Variants in CNOT1 observed in about 807,000 individuals in gnomAD.
CNOT1 encodes CCR4-associated factor 1.
Under a neutral mutation model 273.8 loss-of-function variants are expected in CNOT1, and 15 were observed. The observed-to-expected ratio is 0.05, with a 90% confidence interval of 0.04 to 0.08. The LOEUF (loss-of-function observed/expected upper bound fraction) is 0.08, where lower values mean the gene tolerates loss of function less well. CNOT1 is among the 10% of genes least tolerant of loss of function. The probability of loss-of-function intolerance (pLI) is 1.00; values close to 1 mark genes in which losing one functional copy is unlikely to be tolerated. For missense variants in CNOT1, 1,644 were observed against 2,912.2 expected, an observed-to-expected ratio of 0.56 and a Z score of 10.02; for synonymous variants, 1,022 against 1,005.5, an observed-to-expected ratio of 1.02 and a Z score of -0.31.
At chr16:58,611,595 A>C (rs1399154661) in intron 1 of CNOT1, among the ~76,000 whole-genome samples, 2 of 151,990 alleles carry the variant, frequency 1.3e-5, no homozygotes, top group Admixed American at 1.3e-4. Flanking sequence ...CCAAGGAAGG[A>C]GGATCACCTA....
At chr16:58,539,376 C>A (rs979996833) in intron 35 of CNOT1, among the ~76,000 whole-genome samples, 3 of 151,790 alleles carry the variant, frequency 2.0e-5, no homozygotes, top group Admixed American at 6.6e-5. Flanking sequence ...ACCTGTAATA[C>A]CAGCTACTCG....
chr16:58,573,900 C>T (rs77640671), intron 16 of CNOT1, among the ~76,000 whole-genome samples: 2,889 of 151,974 alleles, frequency 0.019, 28 homozygotes, highest in Non-Finnish European at 0.031. Flanking sequence ...TTACTGAAAA[C>T]CTATTGTGAT....
intron 16 of CNOT1, among the ~76,000 whole-genome samples, chr16:58,565,157 G>A (rs1288114285): frequency 6.6e-6 from 1 of 152,002 alleles, no homozygotes; most frequent in Non-Finnish European, 1.5e-5. Flanking sequence ...TCTCACTGTC[G>A]CCCAGGCAGG....
At position 58,615,075 on chromosome 16, in the gene CNOT1, C is replaced by A. The variant is rs116266759; in HGVS notation, c.-175+14653G>T. 9.5e-3 allele frequency among the ~76,000 whole-genome samples: 1,175 copies of A among 123,578 alleles called. 203 individuals carry two copies. Among genetic ancestry groups the A allele is most frequent in the African/African-American group, 0.03 (1,108 of 36,618 alleles). 81.1% of individuals were successfully genotyped at this position (123,578 alleles called of 152,430 possible). ...GCTTTTCTCCTAGTGAATTACTGAA[C>A]CTGCAGGTGGACTTGGGAACTGTCC... On this transcript the variant is annotated intron_variant, in intron 1 of 48. Transcript: ENST00000317147.
intron 16 of CNOT1, among the ~76,000 whole-genome samples, chr16:58,562,364 T>C (rs967343721): frequency 3.3e-5 from 5 of 151,222 alleles, no homozygotes; most frequent in Non-Finnish European, 7.4e-5. Flanking sequence ...ATTAGCCAGG[T>C]GTGGTGGCAC....
chr16:58,521,350 T>C (rs2039359733), intron 47 of CNOT1, 33 bp from the exon 48 acceptor site: 1 of 1,569,442 alleles, frequency 6.4e-7, no homozygotes, highest in Non-Finnish European at 8.6e-7. Context: ...AGTTAATGTA[T>C]AGAAGCATAC....
chr16:58,586,983 G>C (rs1278802033), intron 6 of CNOT1, among the ~76,000 whole-genome samples: 2 of 152,138 alleles, frequency 1.3e-5, no homozygotes, highest in East Asian at 1.9e-4. Context: ...TAAAGTTCCA[G>C]AGAGATGTTA....
At chr16:58,532,420 T>C (rs1263539223) in intron 40 of CNOT1, 25 bp from the exon 41 acceptor site, 1 of 1,604,620 alleles carries the variant, frequency 6.2e-7, no homozygotes, top group South Asian at 1.1e-5. Context: ...AATCAGAGCT[T>C]GTAAATCATT....
chr16:58,610,996 C>T (rs2042879753), intron 1 of CNOT1, among the ~76,000 whole-genome samples: 1 of 151,924 alleles, frequency 6.6e-6, no homozygotes, highest in African/African-American at 2.4e-5. Context: ...GAGAGCACAC[C>T]ACTGCGCTCC....
intron 1 of CNOT1, among the ~76,000 whole-genome samples, chr16:58,613,492 T>TAG (rs2042970344): frequency 8.0e-6 from 1 of 125,058 alleles, no homozygotes; most frequent in Admixed American, 7.9e-5. Context: ...ACTGAATACT[T>TAG]AGGAGTCACC....
chr16:58,596,715 G>A (rs550350610), intron 2 of CNOT1, among the ~76,000 whole-genome samples: 21 of 151,668 alleles, frequency 1.4e-4, no homozygotes, highest in South Asian at 2.1e-4. Context: ...ATGAAACCCC[G>A]TCTCTACTAA....
rs980413203 is a variant in CNOT1, at chr16:58,520,665, T to C, written c.*293A>G. The C allele has an allele frequency of 1.2e-5, 5 of 418,702 alleles. No individual in the cohort carries two copies. The highest frequency in any genetic ancestry group is 1.0e-4 in the African/African-American group (5 of 50,184). 25.9% of individuals were successfully genotyped at this position (418,702 alleles called of 1,614,324 possible). A position where few individuals can be genotyped will look rare whatever the true frequency, so the allele number is the denominator to read the frequency against. On this transcript the variant is annotated 3_prime_UTR_variant, in exon 49 of 49. Transcript: ENST00000317147. ...TTATGTACTTGCCTTGGACACAGCT[T>C]GCACAAAGCCAAGAAGTTCCAGACA... is the stretch of plus-strand genomic sequence containing the variant.
Position 58,546,414 on chromosome 16 carries a change from C to A in CNOT1, c.3913G>T (p.Asp1305Tyr). ...TCTAAATTCTTCAGGCGATCTTTAT[C>A]CTTTAGGAGGTTTCCAGGTTTTAGC... ...NELKPGNLLK[D>Y]KDRLKNLDEQ... Residue 1305 changes from aspartate to tyrosine, a missense_variant, in exon 29 of 49, where the codon GAT (aspartate) becomes TAT (tyrosine). Physicochemically the swap from Asp to Tyr is radical, Grantham distance 160 (BLOSUM62 -3). This residue lies in a region of CNOT1 where 124 missense variants were observed against 289.3 expected (regional missense o/e 0.43). Coordinates refer to ENST00000317147, the MANE Select transcript of CNOT1 (RefSeq NM_016284.5). The A allele has an allele frequency of 6.2e-7, 1 of 1,613,892 alleles. No individual in the cohort carries two copies. Among genetic ancestry groups the A allele is most frequent in the South Asian group, 1.1e-5 (1 of 91,060 alleles).
At chr16:58,612,292 T>TA (rs1041445769) in intron 1 of CNOT1, among the ~76,000 whole-genome samples, 5 of 152,078 alleles carry the variant, frequency 3.3e-5, no homozygotes, top group African/African-American at 1.2e-4. Context: ...CTTCCAATAC[T>TA]AAAAAAATAC....
chr16:58,595,420 CAAAAAA>C (rs57122392), intron 2 of CNOT1, among the ~76,000 whole-genome samples: 1 of 102,938 alleles, frequency 9.7e-6, no homozygotes, highest in Non-Finnish European at 1.9e-5. Context: ...TTTTCCATCT[CAAAAAA>C]AAAAAAAAAA....
Position 58,536,360 on chromosome 16 carries a change from A to G in CNOT1, c.5646+629T>C, listed in dbSNP as rs145125840. 3.6e-3 allele frequency among the ~76,000 whole-genome samples: 542 copies of G among 152,338 alleles called. 4 individuals are homozygous for G. Among genetic ancestry groups the G allele is most frequent in the Non-Finnish European group, 6.1e-3 (416 of 68,030 alleles). Reference sequence around the variant, plus strand: ...ACAGTCGCTGAAAGCAACCAGTGATAATAAAAAACGAATGCTAAATGGTAC... The same window carrying G: ...ACAGTCGCTGAAAGCAACCAGTGATGATAAAAAACGAATGCTAAATGGTAC... On this transcript the variant is annotated intron_variant, in intron 39 of 48. Transcript: ENST00000317147.
chr16:58,553,707 AC>A, intron 22 of CNOT1, 74 bp downstream of exon 22: 1 of 1,510,656 alleles, frequency 6.6e-7, no homozygotes. Context: ...TATCAAGTCT[AC>A]AAAAAAAAGC....
At chr16:58,529,297 T>C (rs2039697602) in intron 43 of CNOT1, among the ~76,000 whole-genome samples, 2 of 152,200 alleles carry the variant, frequency 1.3e-5, no homozygotes, top group African/African-American at 4.8e-5. Flanking sequence ...TCTGCAATTT[T>C]GACTACAATA....
intron 14 of CNOT1, 132 bp downstream of exon 14, chr16:58,576,331 C>G: frequency 3.8e-6 from 5 of 1,325,398 alleles, no homozygotes; most frequent in Non-Finnish European, 5.1e-6. Flanking sequence ...AGGCTGGTCT[C>G]GAATTCCTGA....
Sources: gnomAD v4.1 joint callset for allele counts (sites outside exome capture counted in the v4.1 genomes callset) on GRCh38, gnomAD v4.1.1 for gene constraint, gnomAD v4.1.1 regional missense constraint, MANE v1.5 for transcripts, NCBI Gene and HGNC (gene_info 2026-07-23, HGNC 2026-07-21) for gene names.